The following DHRS7 variants were observed in gnomAD, a reference collection of about 807,000 sequenced individuals.
DHRS7 encodes dehydrogenase/reductase 7, also known as dehydrogenase/reductase SDR family member 7.
DHRS7 carries 34 observed loss-of-function variants against 38.9 expected under a neutral mutation model. The observed-to-expected ratio is 0.87, with a 90% CI of 0.66 to 1.16. The LOEUF is 1.16. Among genes scored for constraint, DHRS7 ranks in the 50% most tolerant of loss-of-function variants. The pLI, the probability that DHRS7 is intolerant of heterozygous loss-of-function variation, is 0.00. For synonymous variants in DHRS7, 158 were observed against 153.1 expected (o/e 1.03, Z -0.24); for missense variants, 421 against 407.0 (o/e 1.03, Z -0.30).
At chr14:60,167,119 A>C (rs1269354091), upstream of DHRS7, among the ~76,000 whole-genome samples, 2 of 152,352 alleles carry the variant, frequency 1.3e-5, no homozygotes, top group East Asian at 3.9e-4. Flanking sequence ...CCAGAAGAGT[A>C]TAATTGGATT....
At chr14:60,168,233 AG>A (rs1896890569), upstream of DHRS7, among the ~76,000 whole-genome samples, 1 of 152,222 alleles carries the variant, frequency 6.6e-6, no homozygotes, top group South Asian at 2.1e-4. Flanking sequence ...TATTTTGTTT[AG>A]ATTAGCCAAT....
intron 4 of DHRS7, among the ~76,000 whole-genome samples, chr14:60,150,399 G>C (rs755255679): frequency 6.6e-6 from 1 of 151,972 alleles, no homozygotes; most frequent in African/African-American, 2.4e-5. Context: ...CATGTGCCAC[G>C]TTGGTGTGCT....
intron 1 of DHRS7, among the ~76,000 whole-genome samples, 199 bp from the exon 2 acceptor site, chr14:60,156,351 C>G (rs1031035424): frequency 1.3e-5 from 2 of 151,204 alleles, no homozygotes; most frequent in African/African-American, 4.9e-5. Flanking sequence ...ACAAATCATA[C>G]TAGTAACAGT....
At chr14:60,155,594 C>T (rs1254040) in intron 2 of DHRS7, among the ~76,000 whole-genome samples, 40,467 of 152,100 alleles carry the variant, frequency 0.27, 7,308 homozygotes, top group African/African-American at 0.51. Context: ...TATAATAAGT[C>T]TTATCCCATA....
At position 60,153,677 on chromosome 14, in the gene DHRS7, C is replaced by T. The variant is rs2140598212; in HGVS notation, c.393+282G>A. The stretch of plus-strand genomic sequence containing the variant: ...CACCACTGCACTCCAGCCTGGGCGA[C>T]AGAGCAAGACTTTGTCTCAAAATAC... On this transcript the variant is annotated intron_variant, in intron 3 of 6. Transcript: ENST00000557185. This position sits in a 1 kb window ranked among gnomAD's most constrained non-coding sequence, Gnocchi z 4.4. Among the ~76,000 whole-genome samples the T allele has an allele frequency of 6.6e-6, 1 of 151,664 alleles. No individual in the cohort carries two copies. The highest frequency in any genetic ancestry group is 1.5e-5 in the Non-Finnish European group (1 of 68,002).
chr14:60,151,195 G>A (rs1451782310), intron 4 of DHRS7, among the ~76,000 whole-genome samples: 1 of 152,150 alleles, frequency 6.6e-6, no homozygotes, highest in Admixed American at 6.5e-5. Flanking sequence ...AAGAGGGTAT[G>A]TGGCTAATTA....
intron 1 of DHRS7, among the ~76,000 whole-genome samples, chr14:60,163,909 T>C (rs1196281273): frequency 1.3e-5 from 2 of 152,214 alleles, no homozygotes; most frequent in Non-Finnish European, 2.9e-5. Context: ...ATTCCCCCGC[T>C]GAGGTGGAAC....
At chr14:60,159,671 G>A (rs1896724253) in intron 1 of DHRS7, among the ~76,000 whole-genome samples, 1 of 152,100 alleles carries the variant, frequency 6.6e-6, no homozygotes, top group Non-Finnish European at 1.5e-5. Flanking sequence ...ATCATGCTGT[G>A]AAAAAGTGAC....
At position 60,162,579 on chromosome 14, in the gene DHRS7, ATT is replaced by A. The variant is rs961679364; in HGVS notation, c.133+2596_133+2597del. 6.6e-6 allele frequency among the ~76,000 whole-genome samples: 1 copy of A among 152,034 alleles called. No homozygotes were observed. Among genetic ancestry groups the A allele is most frequent in the African/African-American group, 2.4e-5 (1 of 41,388 alleles). On this transcript the variant is annotated intron_variant, in intron 1 of 6. Coordinates refer to ENST00000557185, the MANE Select transcript of DHRS7 (RefSeq NM_016029.4). This position sits in a 1 kb window ranked among gnomAD's most constrained non-coding sequence, Gnocchi z 4.5. ...TACTTTTGTATTATGTGAGTGTGCT[ATT>A]TTTTTAAGTGACAAAAAATAATAAA...
Position 60,150,151 on chromosome 14 carries a change from A to G in DHRS7, c.670T>C (p.Tyr224His), listed in dbSNP as rs769277588. 61 of 1,550,956 alleles carry G rather than the reference A, an allele frequency of 3.9e-5. No individual in the cohort carries two copies. The highest frequency in any genetic ancestry group is 5.2e-5 in the Non-Finnish European group (59 of 1,140,904). ...FNGLRTELATYPGIIVSNICP... is the reference protein window; with the variant it reads ...FNGLRTELATHPGIIVSNICP... ...ATGTTAGAAACTATTATACCTGGGT[A>G]TGTGGCAAGTTCTGTTCGAAGGCCA... Residue 224 changes from tyrosine to histidine, a missense_variant, in exon 5 of 7, where the codon TAC becomes CAC. Transcript: ENST00000557185.
chr14:60,156,949 A>G (rs1896671818), intron 1 of DHRS7, among the ~76,000 whole-genome samples: 1 of 152,246 alleles, frequency 6.6e-6, no homozygotes, highest in African/African-American at 2.4e-5. Context: ...TGAAAAACTT[A>G]TTAGCACTTC....
At chr14:60,151,416 T>C (rs1896541793) in intron 4 of DHRS7, among the ~76,000 whole-genome samples, 1 of 152,130 alleles carries the variant, frequency 6.6e-6, no homozygotes, top group East Asian at 1.9e-4. Context: ...CCACAGTACA[T>C]TGTATATGAT....
At chr14:60,169,874 C>T (rs1203247819), upstream of DHRS7, 1 of 152,242 alleles carries the variant, frequency 6.6e-6, no homozygotes, top group Non-Finnish European at 1.5e-5. Flanking sequence ...TGAGATGGGG[C>T]ATGAGAGCAG....
chr14:60,145,914 A>G lies in DHRS7; in HGVS notation c.973-901T>C, dbSNP rs1214038986. 1 of 151,792 alleles carries G rather than the reference A, an allele frequency of 6.6e-6. No individual in the cohort carries two copies. Among genetic ancestry groups the G allele is most frequent in the Non-Finnish European group, 1.5e-5 (1 of 67,940 alleles). The allele number at this position is 151,792 out of a possible 1,614,324, so 9.4% of individuals were successfully genotyped here. ...AAGATTCATAAAAACAAAGTTCCAG[A>G]CATACAGACTAAAGAAGCAAATTCT... On this transcript the variant is annotated intron_variant, in intron 6 of 6. Transcript: ENST00000557185. The surrounding 1 kb of genome is among the most constrained non-coding windows in gnomAD (Gnocchi z 4.0).
chr14:60,168,589 A>T (rs975862114), upstream of DHRS7: 143 of 1,379,070 alleles, frequency 1.0e-4, no homozygotes, highest in Non-Finnish European at 1.3e-4. Flanking sequence ...GTAAAAAGTT[A>T]AAAAAATTAG....
chr14:60,156,999 ACT>A (rs1896673516), intron 1 of DHRS7, among the ~76,000 whole-genome samples: 5 of 152,372 alleles, frequency 3.3e-5, no homozygotes, highest in Admixed American at 2.0e-4. Context: ...CCGTAAAGTC[ACT>A]GTTATGCAAA....
At chr14:60,150,321 T>G (rs1208949828) in intron 4 of DHRS7, 134 bp from the exon 5 acceptor site, 3 of 756,400 alleles carry the variant, frequency 4.0e-6, no homozygotes, top group Non-Finnish European at 5.8e-6. Flanking sequence ...TTAGGCACTT[T>G]TTTTTATTAT....
intron 1 of DHRS7, among the ~76,000 whole-genome samples, chr14:60,160,474 T>G (rs1434307611): frequency 6.6e-6 from 1 of 151,482 alleles, no homozygotes; most frequent in African/African-American, 2.4e-5. Context: ...GGGAAAATAC[T>G]AGTAACCAAC....
At chr14:60,169,849 TG>T (rs1265107468), upstream of DHRS7, 1 of 152,290 alleles carries the variant, frequency 6.6e-6, no homozygotes, top group Non-Finnish European at 1.5e-5. Context: ...TAAGCAGTCT[TG>T]GATTGCTGTC....
Sources: gnomAD v4.1 joint callset for allele counts (sites outside exome capture counted in the v4.1 genomes callset) on GRCh38, gnomAD v4.1.1 for gene constraint, Gnocchi (gnomAD v3.1) non-coding constraint, MANE v1.5 for transcripts, NCBI Gene and HGNC (gene_info 2026-07-23, HGNC 2026-07-21) for gene names.